The following CELF4 variants were observed in gnomAD, a reference collection of about 807,000 sequenced individuals.
The protein encoded by CELF4 is CUGBP Elav-like family member 4, also known as CUG-BP- and ETR-3-like factor 4.
Under a neutral mutation model 59.9 loss-of-function variants are expected in CELF4, and 18 were observed. The observed-to-expected ratio is 0.30, with a 90% CI of 0.21 to 0.45. The LOEUF (loss-of-function observed/expected upper bound fraction) is 0.45, where lower values mean the gene tolerates loss of function less well. Among genes scored for constraint, CELF4 ranks in the 20% least tolerant of loss-of-function variants. The probability of loss-of-function intolerance (pLI) is 1.00; values close to 1 mark genes in which losing one functional copy is unlikely to be tolerated. For missense variants in CELF4, 456 were observed against 689.0 expected (o/e 0.66, Z 3.79); for synonymous variants, 261 against 267.1 (o/e 0.98, Z 0.22).
intron 2 of CELF4, among the ~76,000 whole-genome samples, chr18:37,335,717 A>G (rs1603609363): frequency 6.6e-6 from 1 of 151,980 alleles, no homozygotes; most frequent in Non-Finnish European, 1.5e-5. Context: ...TCACAGGTGC[A>G]CTGCCCCTAA....
At chr18:37,280,917 C>T (rs531526653) in intron 3 of CELF4, among the ~76,000 whole-genome samples, 16 of 152,224 alleles carry the variant, frequency 1.1e-4, no homozygotes, top group Non-Finnish European at 1.8e-4. Context: ...CTATAAAAAG[C>T]ATTGGGTGAC....
chr18:37,430,770 C>G (rs938434264), intron 2 of CELF4, among the ~76,000 whole-genome samples: 2 of 152,222 alleles, frequency 1.3e-5, no homozygotes, highest in Non-Finnish European at 2.9e-5. Context: ...CAGGCCCCCT[C>G]TAGTTGTGTC....
intron 1 of CELF4, among the ~76,000 whole-genome samples, chr18:37,487,770 G>GAGGAGT (rs1378230914): frequency 6.6e-6 from 1 of 152,190 alleles, no homozygotes; most frequent in Non-Finnish European, 1.5e-5. Flanking sequence ...GGAAGAGGAG[G>GAGGAGT]AGGAGTAGGA....
chr18:37,401,097 G>A (rs2099321121), intron 2 of CELF4, among the ~76,000 whole-genome samples: 1 of 152,220 alleles, frequency 6.6e-6, no homozygotes, highest in Non-Finnish European at 1.5e-5. Flanking sequence ...GAGCTGTGAG[G>A]CAGGGCCTAG....
At chr18:37,363,610 G>A (rs375829807) in intron 2 of CELF4, among the ~76,000 whole-genome samples, 1 of 152,212 alleles carries the variant, frequency 6.6e-6, no homozygotes, top group East Asian at 1.9e-4. Context: ...GAGGATGATA[G>A]AAAGAATGGT....
At chr18:37,450,701 C>A (rs1025693322) in intron 2 of CELF4, among the ~76,000 whole-genome samples, 13 of 152,210 alleles carry the variant, frequency 8.5e-5, no homozygotes, top group African/African-American at 3.1e-4. Context: ...GGGCACCCGC[C>A]TCACCTCATG....
intron 2 of CELF4, among the ~76,000 whole-genome samples, chr18:37,482,361 A>G (rs2154603054): frequency 6.6e-6 from 1 of 152,334 alleles, no homozygotes; most frequent in South Asian, 2.1e-4. Flanking sequence ...CGAGAGAGGC[A>G]GAGAGATTAG....
chr18:37,410,373 G>T (rs1227646794), intron 2 of CELF4, among the ~76,000 whole-genome samples: 1 of 152,220 alleles, frequency 6.6e-6, no homozygotes, highest in Non-Finnish European at 1.5e-5. Context: ...AGGGCCAGAG[G>T]CCTGGGCCTC....
At chr18:37,400,973 G>C (rs1391304268) in intron 2 of CELF4, among the ~76,000 whole-genome samples, 1 of 152,220 alleles carries the variant, frequency 6.6e-6, no homozygotes, top group African/African-American at 2.4e-5. Context: ...CGGGGCCTGG[G>C]CCCTTCTGAT....
intron 3 of CELF4, among the ~76,000 whole-genome samples, chr18:37,277,449 G>A (rs757180179): frequency 5.9e-5 from 9 of 152,224 alleles, no homozygotes; most frequent in Non-Finnish European, 1.3e-4. Flanking sequence ...AGGCTCTGGG[G>A]CACAAGGAGA....
At chr18:37,308,083 T>G (rs1247662432) in intron 3 of CELF4, among the ~76,000 whole-genome samples, 1 of 151,996 alleles carries the variant, frequency 6.6e-6, no homozygotes, top group East Asian at 1.9e-4. Flanking sequence ...GAACCTACAG[T>G]CTAATTCTCC....
intron 2 of CELF4, among the ~76,000 whole-genome samples, chr18:37,476,749 C>A (rs564732811): frequency 6.6e-6 from 1 of 152,310 alleles, no homozygotes; most frequent in South Asian, 2.1e-4. Flanking sequence ...TGTTTCTCAG[C>A]CTCGTTTTCT....
intron 3 of CELF4, among the ~76,000 whole-genome samples, chr18:37,293,888 A>C (rs1348252828): frequency 7.4e-6 from 1 of 134,572 alleles, no homozygotes; most frequent in Non-Finnish European, 1.6e-5. Flanking sequence ...AAGTGTGCTT[A>C]TCTCTTTACC....
chr18:37,564,316 G>A (rs2099987480), intron 1 of CELF4, among the ~76,000 whole-genome samples: 1 of 152,046 alleles, frequency 6.6e-6, no homozygotes. Flanking sequence ...GGCTAATTTC[G>A]TCACCCACCA....
chr18:37,297,208 T>A (rs79373032), intron 3 of CELF4, among the ~76,000 whole-genome samples: 1 of 152,264 alleles, frequency 6.6e-6, no homozygotes, highest in Non-Finnish European at 1.5e-5. Context: ...TATAAGCAGA[T>A]CACCTGCTAT....
At chr18:37,404,006 A>T (rs1234258837) in intron 2 of CELF4, among the ~76,000 whole-genome samples, 1 of 152,192 alleles carries the variant, frequency 6.6e-6, no homozygotes, top group African/African-American at 2.4e-5. Flanking sequence ...GGAGGCACTC[A>T]GGGTGCTTTA....
chr18:37,456,332 G>T (rs1387074006), intron 2 of CELF4, among the ~76,000 whole-genome samples: 1 of 151,984 alleles, frequency 6.6e-6, no homozygotes, highest in Non-Finnish European at 1.5e-5. Flanking sequence ...CCGTAGTGCT[G>T]GCTTGTTGAG....
Position 37,266,524 on chromosome 18 carries a change from G to T in CELF4, c.1165+9C>A. Reference sequence around the variant, plus strand: ...GGGGAAGGAGCCGTGGGGACGCGTGGATACTAACGACCTGCATACTGCTGC... The same window carrying T: ...GGGGAAGGAGCCGTGGGGACGCGTGTATACTAACGACCTGCATACTGCTGC... On this transcript the variant is annotated intron_variant, in intron 9 of 12. Transcript: ENST00000420428. 6.3e-7 allele frequency: 1 copy of T among 1,588,730 alleles called. No individual in the cohort carries two copies. The highest frequency in any genetic ancestry group is 8.6e-7 in the Non-Finnish European group (1 of 1,168,878).
At chr18:37,367,938 C>A (rs962133926) in intron 2 of CELF4, among the ~76,000 whole-genome samples, 1 of 152,078 alleles carries the variant, frequency 6.6e-6, no homozygotes, top group Non-Finnish European at 1.5e-5. Flanking sequence ...CCACACCCAG[C>A]CCATCTTCCA....
Sources: allele counts gnomAD v4.1 joint callset (sites outside exome capture counted in the v4.1 genomes callset), GRCh38; gene constraint gnomAD v4.1.1; transcripts MANE v1.5; gene names NCBI Gene and HGNC (gene_info 2026-07-23, HGNC 2026-07-21).